Variants in CLSTN2 observed in about 807,000 individuals in gnomAD.
The protein encoded by CLSTN2 is calsyntenin 2.
In CLSTN2, 48 loss-of-function variants were observed where a neutral mutation model predicts 101.2. The observed-to-expected ratio is 0.47, with a 90% CI of 0.38 to 0.60. CLSTN2 has a LOEUF of 0.60. Ranked by LOEUF, CLSTN2 falls within the 20% of genes least tolerant of loss-of-function variation. The pLI is 0.00. For synonymous variants in CLSTN2, 481 were observed against 463.6 expected (o/e 1.04, Z -0.48); for missense variants, 1,160 against 1,238.2 (o/e 0.94, Z 0.95).
chr3:140,272,193 A>G (rs1297712533), intron 2 of CLSTN2, among the ~76,000 whole-genome samples: 1 of 152,172 alleles, frequency 6.6e-6, no homozygotes, highest in Non-Finnish European at 1.5e-5. Flanking sequence ...ATTGGGGGAA[A>G]AAACAGTTTT....
chr3:140,447,060 G>A (rs1005008808), intron 5 of CLSTN2, among the ~76,000 whole-genome samples: 10 of 152,320 alleles, frequency 6.6e-5, no homozygotes, highest in Admixed American at 1.3e-4. Flanking sequence ...TATCACCATG[G>A]TGGCTCCAGT....
intron 9 of CLSTN2, among the ~76,000 whole-genome samples, chr3:140,543,655 T>C (rs772334438): frequency 5.3e-5 from 8 of 152,220 alleles, no homozygotes; most frequent in Non-Finnish European, 1.0e-4. Flanking sequence ...TGCAGGGCCT[T>C]GGTCATCACC....
At chr3:140,195,370 C>T (rs183136498) in intron 2 of CLSTN2, among the ~76,000 whole-genome samples, 2 of 152,204 alleles carry the variant, frequency 1.3e-5, no homozygotes, top group East Asian at 3.9e-4. Flanking sequence ...AAGAACTCAC[C>T]ACTGTGTCAT....
At chr3:140,252,621 A>G (rs532823141) in intron 2 of CLSTN2, among the ~76,000 whole-genome samples, 2 of 152,320 alleles carry the variant, frequency 1.3e-5, no homozygotes, top group South Asian at 4.1e-4. Flanking sequence ...TCTCTTAATT[A>G]TAAAATGTTA....
intron 1 of CLSTN2, among the ~76,000 whole-genome samples, chr3:140,135,163 A>T (rs1465724264): frequency 7.2e-4 from 87 of 120,508 alleles, no homozygotes; most frequent in African/African-American, 2.6e-3. Flanking sequence ...TATATATATA[A>T]AATATGCTGG....
chr3:139,995,715 G>T (rs1026118342), intron 1 of CLSTN2, among the ~76,000 whole-genome samples: 1 of 152,030 alleles, frequency 6.6e-6, no homozygotes, highest in African/African-American at 2.4e-5. Context: ...TTAAGGGGCC[G>T]CAGATCTATC....
chr3:140,219,685 GTGGAAT>G (rs1297598409), intron 2 of CLSTN2, among the ~76,000 whole-genome samples: 1 of 152,202 alleles, frequency 6.6e-6, no homozygotes, highest in Non-Finnish European at 1.5e-5. Flanking sequence ...AGATTCAGCT[GTGGAAT>G]TGGAGACAGC....
chr3:140,489,188 G>A (rs551280320), intron 8 of CLSTN2, among the ~76,000 whole-genome samples: 18 of 152,190 alleles, frequency 1.2e-4, no homozygotes, highest in Admixed American at 3.9e-4. Context: ...TGGTTGGGAG[G>A]AGAATCGTGG....
intron 1 of CLSTN2, among the ~76,000 whole-genome samples, chr3:139,969,511 T>C (rs1416419041): frequency 6.6e-6 from 1 of 152,168 alleles, no homozygotes; most frequent in African/African-American, 2.4e-5. Context: ...TTCAGGGTCT[T>C]CTTGTTACCA....
intron 1 of CLSTN2, among the ~76,000 whole-genome samples, chr3:140,148,938 T>C (rs1368960152): frequency 2.0e-5 from 3 of 152,146 alleles, no homozygotes; most frequent in African/African-American, 7.2e-5. Context: ...TAGTAGGCAG[T>C]GGTTTACTAT....
At chr3:139,961,375 G>T (rs1209828678) in intron 1 of CLSTN2, among the ~76,000 whole-genome samples, 1 of 152,112 alleles carries the variant, frequency 6.6e-6, no homozygotes, top group East Asian at 1.9e-4. Flanking sequence ...TTTTTCCTAG[G>T]TATTGTGGCA....
chr3:140,367,243 G>A (rs150051767), intron 2 of CLSTN2, among the ~76,000 whole-genome samples: 77 of 152,184 alleles, frequency 5.1e-4, no homozygotes, highest in Admixed American at 1.4e-3. Flanking sequence ...GAAGCAATGC[G>A]GTGGCTCACA....
intron 2 of CLSTN2, among the ~76,000 whole-genome samples, chr3:140,344,777 A>G (rs1194765458): frequency 5.3e-5 from 8 of 151,988 alleles, no homozygotes; most frequent in African/African-American, 9.7e-5. Flanking sequence ...TATCTCCCCC[A>G]CCACTCCATG....
intron 2 of CLSTN2, among the ~76,000 whole-genome samples, chr3:140,294,890 G>A (rs1477725862): frequency 6.6e-6 from 1 of 152,156 alleles, no homozygotes; most frequent in African/African-American, 2.4e-5. Context: ...CTTTCATGGG[G>A]AGAAGGGGGT....
intron 2 of CLSTN2, among the ~76,000 whole-genome samples, chr3:140,310,553 G>T (rs2087158192): frequency 1.3e-5 from 2 of 152,154 alleles, no homozygotes; most frequent in Non-Finnish European, 2.9e-5. Flanking sequence ...TTTCTGGGCT[G>T]CGTAGTGCCC....
At chr3:140,130,064 C>A (rs1476059357) in intron 1 of CLSTN2, among the ~76,000 whole-genome samples, 1 of 152,196 alleles carries the variant, frequency 6.6e-6, no homozygotes, top group African/African-American at 2.4e-5. Flanking sequence ...GTCCTGCTGA[C>A]ATTCAGGAGA....
chr3:140,148,660 A>G (rs919318583), intron 1 of CLSTN2, among the ~76,000 whole-genome samples: 1 of 152,226 alleles, frequency 6.6e-6, no homozygotes. Flanking sequence ...ATGCATTTTT[A>G]TGAATCTCTG....
At chr3:140,362,098 G>C (rs1397099639) in intron 2 of CLSTN2, among the ~76,000 whole-genome samples, 4 of 152,104 alleles carry the variant, frequency 2.6e-5, no homozygotes, top group Non-Finnish European at 5.9e-5. Flanking sequence ...AGCACAGTGA[G>C]GTACTGGTAT....
chr3:140,014,660 G>A (rs1056754290), intron 1 of CLSTN2, among the ~76,000 whole-genome samples: 1 of 152,170 alleles, frequency 6.6e-6, no homozygotes, highest in Admixed American at 6.5e-5. Flanking sequence ...GTCCACAGTA[G>A]GGCCTGTGCC....
Sources: allele counts gnomAD v4.1 joint callset (sites outside exome capture counted in the v4.1 genomes callset), GRCh38; gene constraint gnomAD v4.1.1; transcripts MANE v1.5; gene names NCBI Gene and HGNC (gene_info 2026-07-23, HGNC 2026-07-21).